The following MCPH1 variants were observed in gnomAD, a reference collection of about 807,000 sequenced individuals.
The protein encoded by MCPH1 is microcephalin.
Under a neutral mutation model 84.5 loss-of-function variants are expected in MCPH1, and 104 were observed. The ratio of observed to expected loss-of-function variants is 1.23; its 90% CI spans 1.05 to 1.45. MCPH1 has a LOEUF of 1.45. Ranked by LOEUF, MCPH1 falls within the 40% of genes most tolerant of loss-of-function variation. The pLI is 0.00. For missense variants in MCPH1, 1,498 were observed against 1,005.7 expected (o/e 1.49, Z -6.62); for synonymous variants, 514 against 366.8 (o/e 1.40, Z -4.58).
chr8:6,628,868 C>T (rs779377504), intron 13 of MCPH1, among the ~76,000 whole-genome samples: 5 of 152,196 alleles, frequency 3.3e-5, no homozygotes, highest in African/African-American at 2.4e-5. Flanking sequence ...GCTTACTGAC[C>T]GACTTAATTC....
chr8:6,570,614 C>T (rs957082371), intron 12 of MCPH1, among the ~76,000 whole-genome samples: 2 of 152,116 alleles, frequency 1.3e-5, no homozygotes, highest in Admixed American at 6.6e-5. Context: ...GACACAGAAC[C>T]ACAGAAACCC....
intron 8 of MCPH1, 44 bp from the exon 9 acceptor site, chr8:6,455,099 T>A (rs1336907640): frequency 6.9e-7 from 1 of 1,444,432 alleles, no homozygotes; most frequent in Non-Finnish European, 9.8e-7. Context: ...TTGTATTTGG[T>A]CCATGTAAAG....
intron 11 of MCPH1, among the ~76,000 whole-genome samples, chr8:6,485,700 T>C (rs1286646649): frequency 2.0e-5 from 3 of 152,138 alleles, no homozygotes; most frequent in African/African-American, 7.2e-5. Context: ...TCTTGGGAGA[T>C]TGCGAAGGCT....
chr8:6,582,121 G>C (rs1319318841), intron 12 of MCPH1, among the ~76,000 whole-genome samples: 1 of 152,180 alleles, frequency 6.6e-6, no homozygotes, highest in Non-Finnish European at 1.5e-5. Context: ...AGCCTGTGTT[G>C]TAAAGGACGT....
chr8:6,634,874 A>T (rs1048603408), intron 13 of MCPH1: 11 of 152,178 alleles, frequency 7.2e-5, no homozygotes, highest in African/African-American at 2.4e-4. Context: ...GTAAATATAA[A>T]AACACTGTCT....
intron 12 of MCPH1, among the ~76,000 whole-genome samples, chr8:6,604,900 A>C (rs1829642442): frequency 6.6e-6 from 1 of 152,264 alleles, no homozygotes; most frequent in Admixed American, 6.5e-5. Flanking sequence ...TTGAGTCTCT[A>C]AGTAAGGAGG....
In MCPH1 at chr8:6,438,801, G is replaced by A. The variant is rs551480137; in HGVS notation, c.437-152G>A. ...AGCAGCAACATCACTGCCTGTGGAG[G>A]TGGTGGAGGTAGAATATTAGCAGGA... On this transcript the variant is annotated intron_variant, in intron 5 of 13. Transcript: ENST00000344683. The A allele has an allele frequency of 6.8e-4, 448 of 663,182 alleles. 2 individuals carry two copies. In the African/African-American group the frequency reaches 7.4e-3, roughly 11 times the overall value. 41.1% of individuals were successfully genotyped at this position (663,182 alleles called of 1,614,324 possible).
intron 12 of MCPH1, chr8:6,527,649 G>A (rs566633495): frequency 1.9e-6 from 3 of 1,613,868 alleles, no homozygotes; most frequent in South Asian, 1.1e-5. Context: ...AAGAGCTGAA[G>A]TTCAAGTCTC....
At chr8:6,635,197 G>C (rs972554080) in intron 13 of MCPH1, 2 of 152,184 alleles carry the variant, frequency 1.3e-5, no homozygotes, top group Non-Finnish European at 2.9e-5. Flanking sequence ...TTGATAATGA[G>C]GCTCCGGTTG....
intron 12 of MCPH1, among the ~76,000 whole-genome samples, chr8:6,560,567 G>C (rs1284367975): frequency 1.3e-5 from 2 of 152,168 alleles, no homozygotes; most frequent in Admixed American, 1.3e-4. Flanking sequence ...GCTGAGATAG[G>C]CTGGGAGAAC....
chr8:6,525,193 TTAA>T (rs1818104837), intron 12 of MCPH1, among the ~76,000 whole-genome samples: 2 of 152,224 alleles, frequency 1.3e-5, no homozygotes, highest in South Asian at 4.1e-4. Flanking sequence ...ACAATCAGTA[TTAA>T]TAATAATTAT....
chr8:6,624,443 ATCTCCAGTGTAGTAGACC>A (rs1436220111), intron 13 of MCPH1, among the ~76,000 whole-genome samples: 1 of 152,062 alleles, frequency 6.6e-6, no homozygotes, highest in Non-Finnish European at 1.5e-5. Context: ...TGTAGTGGGC[ATCTCCAGTGTAGTAGACC>A]TCTCCAGTGT....
At chr8:6,409,406 G>A in intron 2 of MCPH1, 36 bp downstream of exon 2, 1 of 1,480,006 alleles carries the variant, frequency 6.8e-7, no homozygotes, top group Non-Finnish European at 9.5e-7. Context: ...TCATATGACA[G>A]TCTTCTGATT....
rs150674290 is a variant in MCPH1 at position 6,604,329 on chromosome 8, T to C, written c.2215-17125T>C. Among the ~76,000 whole-genome samples the C allele has an allele frequency of 4.8e-3, 724 of 152,370 alleles. 10 individuals carry two copies. The highest frequency in any genetic ancestry group is 0.017 in the African/African-American group (697 of 41,582). ...ACATTCCAGCCAACAGAAGAACTTTTGACCGAGAAGTAGAAACTAGGTGAT... is the reference window on the plus strand; with the variant it reads ...ACATTCCAGCCAACAGAAGAACTTTCGACCGAGAAGTAGAAACTAGGTGAT... On this transcript the variant is annotated intron_variant, in intron 12 of 13. Transcript: ENST00000344683.
Position 6,421,653 on chromosome 8 carries a change from C to T in MCPH1, c.233+6770C>T, listed in dbSNP as rs1288330338. The stretch of plus-strand genomic sequence containing the variant: ...TTGGAACACAGGCATGTTCATCTGA[C>T]GATGTAGTCAGTGGCTGCCTCTGTA... On this transcript the variant is annotated intron_variant, in intron 3 of 13. Transcript: ENST00000344683. 3.3e-5 allele frequency among the ~76,000 whole-genome samples: 5 copies of T among 152,138 alleles called. No homozygotes were observed. The East Asian group carries it at 5.8e-4, about 18-fold the overall frequency.
At chr8:6,580,920 C>T (rs1256128653) in intron 12 of MCPH1, among the ~76,000 whole-genome samples, 1 of 152,218 alleles carries the variant, frequency 6.6e-6, no homozygotes, top group Non-Finnish European at 1.5e-5. Context: ...GGTTCTGCAT[C>T]TGTAGGTTCA....
chr8:6,623,601 C>G (rs548223915), intron 13 of MCPH1, among the ~76,000 whole-genome samples: 179 of 141,750 alleles, frequency 1.3e-3, no homozygotes, highest in African/African-American at 4.5e-3. Context: ...GATGGTCATC[C>G]TTTCATATAT....
intron 9 of MCPH1, among the ~76,000 whole-genome samples, chr8:6,473,279 G>A (rs1439426981): frequency 7.3e-6 from 1 of 136,090 alleles, no homozygotes; most frequent in African/African-American, 2.7e-5. Flanking sequence ...TATTAATTCT[G>A]TAGCAATTTA....
Position 6,446,577 on chromosome 8 carries a change from C to T in MCPH1, c.1825+1030C>T, listed in dbSNP as rs901479532. 1.6e-5 allele frequency: 16 copies of T among 981,844 alleles called. No individual in the cohort carries two copies. In the African/African-American group the frequency reaches 2.1e-4, roughly 13 times the overall value. 60.8% of individuals were successfully genotyped at this position (981,844 alleles called of 1,614,324 possible). A position where few individuals can be genotyped will look rare whatever the true frequency, so the allele number is the denominator to read the frequency against. ...TTGACAAGAAACTGTATTTTATGTTCCATTAGCCTTAGTATGTGTTTTCAA... is the reference window on the plus strand; with the variant it reads ...TTGACAAGAAACTGTATTTTATGTTTCATTAGCCTTAGTATGTGTTTTCAA... On this transcript the variant is annotated intron_variant, in intron 8 of 13. Transcript: ENST00000344683.
Sources: allele counts gnomAD v4.1 joint callset (sites outside exome capture counted in the v4.1 genomes callset), GRCh38; gene constraint gnomAD v4.1.1; transcripts MANE v1.5; gene names NCBI Gene and HGNC (gene_info 2026-07-23, HGNC 2026-07-21).